HS3ST4: variants seen among roughly 807,000 people sequenced by gnomAD.
The protein encoded by HS3ST4 is heparan sulfate glucosamine 3-O-sulfotransferase 4.
HS3ST4 carries 17 observed loss-of-function variants against 29.2 expected under a neutral mutation model. The ratio of observed to expected loss-of-function variants is 0.58; its 90% CI spans 0.40 to 0.87. HS3ST4 has a LOEUF of 0.87. HS3ST4 is among the 40% of genes least tolerant of loss of function. The probability of loss-of-function intolerance (pLI) is 0.00; values close to 1 mark genes in which losing one functional copy is unlikely to be tolerated. For missense variants in HS3ST4, 627 were observed against 634.5 expected, an observed-to-expected ratio of 0.99 and a Z score of 0.13; for synonymous variants, 314 against 285.7, an observed-to-expected ratio of 1.10 and a Z score of -1.00.
At chr16:25,924,641 A>G (rs1596615712) in intron 1 of HS3ST4, among the ~76,000 whole-genome samples, 1 of 152,228 alleles carries the variant, frequency 6.6e-6, no homozygotes. Context: ...AAAGTCCTGC[A>G]AATACGACCT....
At chr16:25,739,814 TC>T (rs1347701100) in intron 1 of HS3ST4, among the ~76,000 whole-genome samples, 6 of 152,214 alleles carry the variant, frequency 3.9e-5, no homozygotes, top group Admixed American at 2.6e-4. Context: ...GGTTTTCAGA[TC>T]TTTTTCTTAT....
rs542321639 is a variant in HS3ST4, at chr16:25,907,991, G to A, written c.734+214840G>A. On this transcript the variant is annotated intron_variant, in intron 1 of 1. Transcript: ENST00000331351. ...CCTATAAATAACCTTAGAGACACAC[G>A]GAACAGATTCATTTAATTTTCCTTT... Among the ~76,000 whole-genome samples the A allele has an allele frequency of 1.8e-4, 27 of 152,196 alleles. No homozygotes were observed. In the South Asian group the frequency reaches 4.8e-3, roughly 27 times the overall value.
At chr16:26,114,918 G>A (rs77368685) in intron 1 of HS3ST4, among the ~76,000 whole-genome samples, 1 of 152,036 alleles carries the variant, frequency 6.6e-6, no homozygotes, top group African/African-American at 2.4e-5. Flanking sequence ...AAAGAGACAT[G>A]TACAAAGTCG....
chr16:25,886,431 T>C (rs1474006981), intron 1 of HS3ST4, among the ~76,000 whole-genome samples: 2 of 152,194 alleles, frequency 1.3e-5, no homozygotes, highest in Admixed American at 1.3e-4. Context: ...GTCCTGAATT[T>C]GGGGAACCAC....
At chr16:25,812,951 C>A (rs569872813) in intron 1 of HS3ST4, among the ~76,000 whole-genome samples, 3 of 152,244 alleles carry the variant, frequency 2.0e-5, no homozygotes, top group Admixed American at 2.0e-4. Flanking sequence ...AAAGAATTTT[C>A]TTGGTTCATG....
At chr16:26,065,238 G>C (rs915545473) in intron 1 of HS3ST4, among the ~76,000 whole-genome samples, 1 of 152,178 alleles carries the variant, frequency 6.6e-6, no homozygotes, top group Non-Finnish European at 1.5e-5. Context: ...GCCCATCAAT[G>C]ATAGACTGCA....
intron 1 of HS3ST4, among the ~76,000 whole-genome samples, chr16:25,756,684 G>A (rs1183412341): frequency 6.6e-6 from 1 of 152,136 alleles, no homozygotes; most frequent in Non-Finnish European, 1.5e-5. Flanking sequence ...AAACTGCTTT[G>A]TTGATAAAAA....
chr16:25,874,750 T>G (rs1967811874), intron 1 of HS3ST4, among the ~76,000 whole-genome samples: 1 of 152,172 alleles, frequency 6.6e-6, no homozygotes, highest in Non-Finnish European at 1.5e-5. Flanking sequence ...TAGTAGATAC[T>G]CAATTAATAT....
At chr16:25,871,746 G>A (rs1485743138) in intron 1 of HS3ST4, among the ~76,000 whole-genome samples, 1 of 152,122 alleles carries the variant, frequency 6.6e-6, no homozygotes, top group African/African-American at 2.4e-5. Flanking sequence ...AACAGCTCAG[G>A]TAGCTATCTT....
At chr16:25,911,158 A>C (rs1012017119) in intron 1 of HS3ST4, among the ~76,000 whole-genome samples, 2 of 152,136 alleles carry the variant, frequency 1.3e-5, no homozygotes, top group Non-Finnish European at 2.9e-5. Context: ...TCTGAGGCCG[A>C]GTCAACCAGA....
intron 1 of HS3ST4, among the ~76,000 whole-genome samples, chr16:25,866,712 C>T (rs1394807647): frequency 6.6e-6 from 1 of 152,134 alleles, no homozygotes; most frequent in African/African-American, 2.4e-5. Context: ...GCATGAGGGG[C>T]TTAAAACCTA....
chr16:25,936,535 T>C (rs1968518436), intron 1 of HS3ST4, among the ~76,000 whole-genome samples: 1 of 152,122 alleles, frequency 6.6e-6, no homozygotes, highest in Non-Finnish European at 1.5e-5. Flanking sequence ...AAAAATAAGA[T>C]CTAAGAAGTG....
chr16:26,022,924 C>T (rs1426882206), intron 1 of HS3ST4, among the ~76,000 whole-genome samples: 1 of 152,106 alleles, frequency 6.6e-6, no homozygotes, highest in African/African-American at 2.4e-5. Context: ...TGCCTGTAAT[C>T]CCAGCTACTG....
chr16:25,868,092 A>T (rs1295201309), intron 1 of HS3ST4, among the ~76,000 whole-genome samples: 1 of 152,112 alleles, frequency 6.6e-6, no homozygotes, highest in African/African-American at 2.4e-5. Context: ...TCAGACGCAC[A>T]TGTGTTTGCT....
chr16:25,992,430 C>T (rs543527050), intron 1 of HS3ST4, among the ~76,000 whole-genome samples: 2 of 152,284 alleles, frequency 1.3e-5, no homozygotes, highest in South Asian at 2.1e-4. Flanking sequence ...TATCATGGTA[C>T]AGAGGTAGAG....
intron 1 of HS3ST4, among the ~76,000 whole-genome samples, chr16:25,789,441 TC>T (rs879528829): frequency 0.11 from 8,133 of 70,990 alleles, 854 homozygotes; most frequent in African/African-American, 0.25. Flanking sequence ...CTTCCTTCCT[TC>T]CTTCCTTCCT....
At chr16:25,793,943 T>C (rs1392629329) in intron 1 of HS3ST4, among the ~76,000 whole-genome samples, 1 of 152,042 alleles carries the variant, frequency 6.6e-6, no homozygotes, top group Non-Finnish European at 1.5e-5. Context: ...TCACATTTTC[T>C]AGGATTTGTT....
Position 25,790,929 on chromosome 16 carries a change from T to C in HS3ST4, c.734+97778T>C, listed in dbSNP as rs1966867890. Reference sequence around the variant, plus strand: ...CCTAGTTAATCAATATCTTTCTTTATAGTAAGAGATTTTTCATCCTGCTTA... The same window carrying C: ...CCTAGTTAATCAATATCTTTCTTTACAGTAAGAGATTTTTCATCCTGCTTA... On this transcript the variant is annotated intron_variant, in intron 1 of 1. Coordinates refer to ENST00000331351, the MANE Select transcript of HS3ST4 (RefSeq NM_006040.3). Among the ~76,000 whole-genome samples the C allele has an allele frequency of 5.3e-5, 8 of 152,304 alleles. No individual in the cohort carries two copies. The South Asian group carries it at 1.5e-3, about 28-fold the overall frequency.
chr16:25,767,293 A>G (rs1213864111), intron 1 of HS3ST4, among the ~76,000 whole-genome samples: 3 of 152,188 alleles, frequency 2.0e-5, no homozygotes, highest in Non-Finnish European at 4.4e-5. Flanking sequence ...AGTGTTCTTG[A>G]GGAGTTTCCT....
Sources: allele counts gnomAD v4.1 joint callset (sites outside exome capture counted in the v4.1 genomes callset), GRCh38; gene constraint gnomAD v4.1.1; transcripts MANE v1.5; gene names NCBI Gene and HGNC (gene_info 2026-07-23, HGNC 2026-07-21).